The following AKAP6 variants were observed in gnomAD, a reference collection of about 807,000 sequenced individuals.
The protein encoded by AKAP6 is A-kinase anchoring protein 6, also known as A-kinase anchor protein 6.
In AKAP6, 58 loss-of-function variants were observed where a neutral mutation model predicts 188.5. The ratio of observed to expected loss-of-function variants is 0.31; its 90% CI spans 0.25 to 0.38. The LOEUF (loss-of-function observed/expected upper bound fraction) is 0.38, where lower values mean the gene tolerates loss of function less well. Among genes scored for constraint, AKAP6 ranks in the 10% least tolerant of loss-of-function variants. AKAP6 has a pLI of 1.00. For synonymous variants in AKAP6, 989 were observed against 998.6 expected (o/e 0.99, Z 0.18); for missense variants, 2,710 against 2,740.0 (o/e 0.99, Z 0.24).
At chr14:32,444,694 A>G (rs149239322) in intron 2 of AKAP6, among the ~76,000 whole-genome samples, 297 of 152,352 alleles carry the variant, frequency 1.9e-3, no homozygotes, top group African/African-American at 6.9e-3. Context: ...GAATGAGTTC[A>G]GAAGTCTGAC....
intron 4 of AKAP6, among the ~76,000 whole-genome samples, chr14:32,561,610 G>A (rs112183380): frequency 8.9e-4 from 136 of 152,284 alleles, no homozygotes; most frequent in African/African-American, 2.9e-3. Flanking sequence ...GTGAATGTGA[G>A]GCTGTGACAT....
chr14:32,483,992 G>A (rs1879521036), intron 2 of AKAP6: 1 of 151,290 alleles, frequency 6.6e-6, no homozygotes, highest in African/African-American at 2.4e-5. Flanking sequence ...TGTTCTCATT[G>A]TTCAACTCCC....
At chr14:32,758,362 T>C (rs1278285230) in intron 11 of AKAP6, among the ~76,000 whole-genome samples, 3 of 152,244 alleles carry the variant, frequency 2.0e-5, no homozygotes, top group Non-Finnish European at 4.4e-5. Flanking sequence ...TTATCCTTGA[T>C]GGCTTTGTAA....
At chr14:32,352,134 TGAAGGGG>T (rs1887306923) in intron 1 of AKAP6, among the ~76,000 whole-genome samples, 1 of 142,676 alleles carries the variant, frequency 7.0e-6, no homozygotes, top group Non-Finnish European at 1.5e-5. Context: ...TGTGTGTGTG[TGAAGGGG>T]GTGGGTGTCT....
intron 11 of AKAP6, among the ~76,000 whole-genome samples, chr14:32,768,667 A>G (rs1394935834): frequency 6.6e-6 from 1 of 152,182 alleles, no homozygotes; most frequent in East Asian, 1.9e-4. Context: ...TTCTATTACT[A>G]TTTTTATACT....
intron 2 of AKAP6, among the ~76,000 whole-genome samples, chr14:32,505,731 A>G (rs538753123): frequency 6.6e-6 from 1 of 152,310 alleles, no homozygotes; most frequent in African/African-American, 2.4e-5. Context: ...TACTTAGTTA[A>G]GAAGTCATAC....
chr14:32,794,493 G>C (rs1476500015), intron 12 of AKAP6, among the ~76,000 whole-genome samples: 1 of 152,164 alleles, frequency 6.6e-6, no homozygotes, highest in Non-Finnish European at 1.5e-5. Context: ...CCAGGAGGCA[G>C]ATATTGCAGT....
intron 2 of AKAP6, among the ~76,000 whole-genome samples, chr14:32,472,216 C>A (rs1231559838): frequency 6.6e-6 from 1 of 152,054 alleles, no homozygotes; most frequent in Non-Finnish European, 1.5e-5. Context: ...CCTTTTCCCC[C>A]AGGCTTTATA....
intron 11 of AKAP6, among the ~76,000 whole-genome samples, chr14:32,761,688 A>G (rs1273269752): frequency 6.6e-6 from 1 of 152,014 alleles, no homozygotes; most frequent in African/African-American, 2.4e-5. Flanking sequence ...TTTCTTTCTT[A>G]ATGTTATTTC....
intron 1 of AKAP6, among the ~76,000 whole-genome samples, chr14:32,396,210 T>G (rs781007172): frequency 2.0e-5 from 3 of 152,172 alleles, no homozygotes; most frequent in Non-Finnish European, 4.4e-5. Flanking sequence ...ATATGATAAA[T>G]TTCACTCCAG....
At chr14:32,675,565 T>C (rs988087202) in intron 7 of AKAP6, among the ~76,000 whole-genome samples, 2 of 152,216 alleles carry the variant, frequency 1.3e-5, no homozygotes, top group Admixed American at 6.5e-5. Context: ...AGATTTAGAC[T>C]GGCAAAGCCA....
chr14:32,735,148 T>C (rs2031355172), intron 10 of AKAP6, among the ~76,000 whole-genome samples: 1 of 152,174 alleles, frequency 6.6e-6, no homozygotes, highest in Non-Finnish European at 1.5e-5. Context: ...TTTAGTTATA[T>C]GGTTTCGGAA....
chr14:32,788,276 A>G (rs922634451), intron 12 of AKAP6, among the ~76,000 whole-genome samples: 3 of 152,158 alleles, frequency 2.0e-5, no homozygotes, highest in Admixed American at 2.0e-4. Context: ...ATCATGGCAA[A>G]TTATTTAACT....
intron 5 of AKAP6, among the ~76,000 whole-genome samples, chr14:32,588,650 G>A (rs1454215881): frequency 2.6e-5 from 4 of 152,170 alleles, no homozygotes; most frequent in African/African-American, 9.7e-5. Flanking sequence ...CTGCCACATG[G>A]TGGCACAGAA....
At chr14:32,686,532 G>T (rs560162971) in intron 8 of AKAP6, among the ~76,000 whole-genome samples, 2 of 152,104 alleles carry the variant, frequency 1.3e-5, no homozygotes, top group South Asian at 4.1e-4. Context: ...TTGCACTCCT[G>T]TACCATAATA....
chr14:32,560,037 A>G (rs910430129), intron 4 of AKAP6, among the ~76,000 whole-genome samples: 1 of 152,038 alleles, frequency 6.6e-6, no homozygotes, highest in African/African-American at 2.4e-5. Flanking sequence ...AGTCAAAAAG[A>G]GTTGAAATTT....
chr14:32,551,712 G>A (rs1883474214), intron 4 of AKAP6, among the ~76,000 whole-genome samples: 2 of 151,920 alleles, frequency 1.3e-5, no homozygotes, highest in South Asian at 4.2e-4. Context: ...AGGCTGGAGT[G>A]CAGTGGCACG....
chr14:32,627,207 A>G (rs2139439078), intron 7 of AKAP6, among the ~76,000 whole-genome samples: 1 of 152,254 alleles, frequency 6.6e-6, no homozygotes, highest in South Asian at 2.1e-4. Flanking sequence ...GGAATCAAAG[A>G]TTATTTTGCC....
At chr14:32,744,385 C>T (rs930699623) in intron 11 of AKAP6, among the ~76,000 whole-genome samples, 6 of 151,906 alleles carry the variant, frequency 3.9e-5, no homozygotes, top group African/African-American at 1.5e-4. Flanking sequence ...GGCACAATCT[C>T]GGCTCACTGC....
Sources: gnomAD v4.1 joint callset for allele counts (sites outside exome capture counted in the v4.1 genomes callset) on GRCh38, gnomAD v4.1.1 for gene constraint, MANE v1.5 for transcripts, NCBI Gene and HGNC (gene_info 2026-07-23, HGNC 2026-07-21) for gene names.